FER1L5: variants seen among roughly 807,000 people sequenced by gnomAD.
FER1L5 encodes the protein fer-1 like family member 5.
In FER1L5, 187 loss-of-function variants were observed where a neutral mutation model predicts 279.9. The observed-to-expected ratio is 0.67, with a 90% CI of 0.59 to 0.75. The LOEUF (loss-of-function observed/expected upper bound fraction) is 0.75, where lower values mean the gene tolerates loss of function less well. Among genes scored for constraint, FER1L5 ranks in the 30% least tolerant of loss-of-function variants. The probability of loss-of-function intolerance (pLI) is 0.00; values close to 1 mark genes in which losing one functional copy is unlikely to be tolerated. For missense variants in FER1L5, 2,091 were observed against 2,594.4 expected (o/e 0.81, Z 4.21); for synonymous variants, 921 against 989.7 (o/e 0.93, Z 1.30).
At chr2:96,664,425 A>G (rs1214502769) in intron 14 of FER1L5, among the ~76,000 whole-genome samples, 1 of 152,200 alleles carries the variant, frequency 6.6e-6, no homozygotes, top group African/African-American at 2.4e-5. Context: ...AGTGTTTCAT[A>G]GAAATGGAAT....
intron 12 of FER1L5, among the ~76,000 whole-genome samples, 184 bp from the exon 13 acceptor site, chr2:96,662,031 A>G (rs1000810615): frequency 1.3e-5 from 2 of 152,046 alleles, no homozygotes; most frequent in Non-Finnish European, 2.9e-5. Context: ...AAGGCTCCCT[A>G]TGTCCCCCCA....
At chr2:96,677,504 G>C (rs1189438527) in intron 19 of FER1L5, among the ~76,000 whole-genome samples, 1 of 151,970 alleles carries the variant, frequency 6.6e-6, no homozygotes, top group East Asian at 1.9e-4. Context: ...CCATCGTATG[G>C]GTGTACCATC....
Position 96,673,207 on chromosome 2 carries a change from A to T in FER1L5, c.1622A>T (p.Tyr541Phe). 1 of 1,551,586 alleles carries T rather than the reference A, an allele frequency of 6.4e-7. No individual in the cohort carries two copies. The highest frequency in any genetic ancestry group is 1.4e-5 in the African/African-American group (1 of 73,142). The change falls in exon 19 of 53, where the codon TAC becomes TTC. Residue 541 changes from tyrosine to phenylalanine, a missense_variant. Transcript: ENST00000624922. ...TATGGGAACAAGATGGACCTGAATT[A>T]CAAGCCTCTAGTCTCAAGCACACCG... is the stretch of plus-strand genomic sequence containing the variant. The part of the protein sequence containing the change: ...GHYGNKMDLN[Y>F]KPLVSSTPYS...
rs1336445808 is a variant in FER1L5 at position 96,651,954 on chromosome 2, G to A, written c.567G>A (p.Lys189=). 2 of 1,551,852 alleles carry A rather than the reference G, an allele frequency of 1.3e-6. No individual in the cohort carries two copies. The highest frequency in any genetic ancestry group is 1.4e-5 in the African/African-American group (1 of 73,056). ...GCAACAACATCAAACCAGTGGTGAA[G>A]GTGTCCATCGCAGGCCAGCAGCACC... ...LMGNNIKPVV[K]VSIAGQQHQT... The change falls in exon 7 of 53, where the codon AAG becomes AAA. Residue 189 remains lysine, a synonymous_variant. Coordinates refer to ENST00000624922, the MANE Select transcript of FER1L5 (RefSeq NM_001293083.2).
chr2:96,676,603 C>A lies in FER1L5; in HGVS notation c.1669+3349C>A, dbSNP rs893098369. Among the ~76,000 whole-genome samples, 19 of 150,398 alleles carry A rather than the reference C, an allele frequency of 1.3e-4. 1 individual carries two copies. The highest frequency in any genetic ancestry group is 2.5e-4 in the Non-Finnish European group (17 of 67,702). On this transcript the variant is annotated intron_variant, in intron 19 of 52. Transcript: ENST00000624922. ...CTACAAAAAAGGCCACTGGAATTTC[C>A]TGTGTTCGTTTTCATCAGGTATTTT... is the stretch of plus-strand genomic sequence containing the variant.
In FER1L5 at chr2:96,702,337, G is replaced by A; in HGVS notation, c.5191G>A (p.Ala1731Thr). 1.2e-6 allele frequency: 2 copies of A among 1,612,912 alleles called. No homozygotes were observed. Among genetic ancestry groups the A allele is most frequent in the South Asian group, 1.1e-5 (1 of 90,660 alleles). ...GCTGCGATGCATCATCTGGAAGACT[G>A]CCAATGTGGACCTGGTGGATGACAA... ...YELRCIIWKT[A>T]NVDLVDDNLS... The change falls in exon 47 of 53, where the codon GCC becomes ACC. Residue 1731 changes from alanine to threonine, a missense_variant. By Grantham distance (58) the Ala-to-Thr change is moderately conservative. Coordinates refer to ENST00000624922, the MANE Select transcript of FER1L5 (RefSeq NM_001293083.2). This position sits in a 1 kb window ranked among gnomAD's most constrained non-coding sequence, Gnocchi z 4.0.
At position 96,698,899 on chromosome 2, in the gene FER1L5, C is replaced by T. The variant is rs1329727374; in HGVS notation, c.4518+67C>T. 13 of 1,537,688 alleles carry T rather than the reference C, an allele frequency of 8.5e-6. No homozygotes were observed. Among genetic ancestry groups the T allele is most frequent in the Admixed American group, 2.0e-5 (1 of 50,712 alleles). ...CCCCTCAACCCATCTCTGGGAGCCC[C>T]CTCCGACTGCTGACACACAGAATGC... On this transcript the variant is annotated intron_variant, in intron 41 of 52. Coordinates refer to ENST00000624922, the MANE Select transcript of FER1L5 (RefSeq NM_001293083.2). This position sits in a 1 kb window ranked among gnomAD's most constrained non-coding sequence, Gnocchi z 5.5.
In FER1L5 at chr2:96,698,165, C is replaced by A; in HGVS notation, c.4356+9C>A. ...TGGTAGGGGAGTTCAAGGTGTGTGTCCACCCCAGCTTAGCTGCCCCTGTCT... is the reference window on the plus strand; with the variant it reads ...TGGTAGGGGAGTTCAAGGTGTGTGTACACCCCAGCTTAGCTGCCCCTGTCT... On this transcript the variant is annotated intron_variant, in intron 40 of 52. Coordinates refer to ENST00000624922, the MANE Select transcript of FER1L5 (RefSeq NM_001293083.2). This position sits in a 1 kb window ranked among gnomAD's most constrained non-coding sequence, Gnocchi z 5.5. 1 of 1,554,138 alleles carries A rather than the reference C, an allele frequency of 6.4e-7. No homozygotes were observed. The highest frequency in any genetic ancestry group is 8.7e-7 in the Non-Finnish European group (1 of 1,148,594).
intron 10 of FER1L5, 30 bp downstream of exon 10, chr2:96,660,401 T>C: frequency 2.6e-6 from 4 of 1,549,570 alleles, no homozygotes; most frequent in Non-Finnish European, 3.5e-6. Context: ...AATATGTATG[T>C]CTTCTGAGAA....
At position 96,686,496 on chromosome 2, in the gene FER1L5, G is replaced by A. The variant is rs561192446; in HGVS notation, c.2229+146G>A. ...GGGGTTGAAACAGTCCCCAGAGGAA[G>A]AGAGGGGTCTGTGGCTGTCAGCATG... On this transcript the variant is annotated intron_variant, in intron 23 of 52. Transcript: ENST00000624922. 3.8e-5 allele frequency: 36 copies of A among 947,420 alleles called. No individual in the cohort carries two copies. In the Admixed American group the frequency reaches 1.1e-3, roughly 28 times the overall value. 58.7% of individuals were successfully genotyped at this position (947,420 alleles called of 1,614,324 possible). A position where few individuals can be genotyped will look rare whatever the true frequency, so the allele number is the denominator to read the frequency against.
intron 5 of FER1L5, 55 bp from the exon 6 acceptor site, chr2:96,650,125 C>A: frequency 7.2e-7 from 1 of 1,393,114 alleles, no homozygotes; most frequent in Non-Finnish European, 1.0e-6. Flanking sequence ...GGGAAAATAC[C>A]TCAAACCTCC....
chr2:96,643,962 A>G (rs914484351), intron 1 of FER1L5, among the ~76,000 whole-genome samples: 2 of 149,744 alleles, frequency 1.3e-5, no homozygotes, highest in East Asian at 4.1e-4. Flanking sequence ...ACTGGAGGTC[A>G]GGAGTTCAAG....
chr2:96,690,382 C>A, intron 26 of FER1L5, 105 bp from the exon 27 acceptor site: 1 of 997,826 alleles, frequency 1.0e-6, no homozygotes, highest in Non-Finnish European at 1.5e-6. Context: ...GAGTGGGAGG[C>A]TGCTGCGGCC....
chr2:96,699,781 T>A, intron 43 of FER1L5, 61 bp downstream of exon 43: 1 of 1,598,746 alleles, frequency 6.3e-7, no homozygotes, highest in Non-Finnish European at 8.5e-7. Flanking sequence ...AGCCTACAGC[T>A]CCCTTGGGAG....
At chr2:96,675,673 C>T (rs554176585) in intron 19 of FER1L5, among the ~76,000 whole-genome samples, 3 of 152,166 alleles carry the variant, frequency 2.0e-5, no homozygotes, top group Non-Finnish European at 4.4e-5. Context: ...GTGATCTGTC[C>T]GCCTTGGCCT....
At chr2:96,653,790 G>T (rs989084836) in intron 8 of FER1L5, 88 bp downstream of exon 8, 1 of 989,004 alleles carries the variant, frequency 1.0e-6, no homozygotes, top group Admixed American at 2.2e-5. Context: ...CCCACCCTTA[G>T]AGCCAGGGGC....
In FER1L5 at chr2:96,650,229, A is replaced by T. The variant is rs1392842557; in HGVS notation, c.444A>T (p.Lys148Asn). ...GITAREAASQ[K>N]LMVPGSTAHR... Reference sequence around the variant, plus strand: ...CGGCAAGAGAGGCAGCCAGTCAGAAACTGATGGTCCCTGGCTCCACTGCGC... The same window carrying T: ...CGGCAAGAGAGGCAGCCAGTCAGAATCTGATGGTCCCTGGCTCCACTGCGC... The change falls in exon 6 of 53, where the codon AAA becomes AAT. Residue 148 changes from lysine to asparagine, a missense_variant. Lys to Asn is a moderately conservative substitution (Grantham distance 94). Transcript: ENST00000624922. 3.9e-6 allele frequency: 6 copies of T among 1,551,574 alleles called. No homozygotes were observed. The highest frequency in any genetic ancestry group is 5.2e-6 in the Non-Finnish European group (6 of 1,146,998).
intron 31 of FER1L5, among the ~76,000 whole-genome samples, chr2:96,693,049 G>A (rs563958929): frequency 3.9e-5 from 6 of 152,122 alleles, no homozygotes; most frequent in African/African-American, 4.8e-5. Flanking sequence ...GGTGGCGGGC[G>A]GCTGTAATCC....
Position 96,646,418 on chromosome 2 carries a change from CGTGTGGTGGAAGG to C in FER1L5, c.105_117del (p.Val36MetfsTer9), listed in dbSNP as rs1203964578. 4.5e-6 allele frequency: 7 copies of C among 1,551,566 alleles called. No homozygotes were observed. In the African/African-American group the frequency reaches 9.6e-5, roughly 21 times the overall value. On this transcript the variant is annotated frameshift_variant, in exon 2 of 53. Coordinates refer to ENST00000624922, the MANE Select transcript of FER1L5 (RefSeq NM_001293083.2). LOFTEE classifies it high-confidence loss of function. Reference sequence around the variant, plus strand: ...CTTTGCAGATATCAAGAAAAGAACTCGTGTGGTGGAAGGGAATGATCCCGTGTGGAATGAGGTA... The same window carrying C: ...CTTTGCAGATATCAAGAAAAGAACTCGAATGATCCCGTGTGGAATGAGGTA...
Sources: gnomAD v4.1 joint callset for allele counts (sites outside exome capture counted in the v4.1 genomes callset) on GRCh38, gnomAD v4.1.1 for gene constraint, Gnocchi (gnomAD v3.1) non-coding constraint, MANE v1.5 for transcripts, NCBI Gene and HGNC (gene_info 2026-07-23, HGNC 2026-07-21) for gene names.